CLYBL: variants seen among roughly 807,000 people sequenced by gnomAD.
The protein encoded by CLYBL is citramalyl-CoA lyase, mitochondrial.
Under a neutral mutation model 38.9 loss-of-function variants are expected in CLYBL, and 31 were observed. The ratio of observed to expected loss-of-function variants is 0.80; its 90% CI spans 0.60 to 1.08. CLYBL has a LOEUF of 1.08. Ranked by LOEUF, CLYBL falls within the 50% of genes least tolerant of loss-of-function variation. The probability of loss-of-function intolerance (pLI) is 0.00; values close to 1 mark genes in which losing one functional copy is unlikely to be tolerated. For missense variants in CLYBL, 434 were observed against 411.6 expected (o/e 1.05, Z -0.47); for synonymous variants, 171 against 158.6 (o/e 1.08, Z -0.59).
intron 2 of CLYBL, among the ~76,000 whole-genome samples, chr13:99,822,506 T>C (rs1860571467): frequency 6.6e-6 from 1 of 152,208 alleles, no homozygotes; most frequent in Non-Finnish European, 1.5e-5. Flanking sequence ...AGAGCCATGC[T>C]CAACAAGATC....
chr13:99,619,767 T>G (rs2046766363), intron 1 of CLYBL, among the ~76,000 whole-genome samples: 1 of 152,208 alleles, frequency 6.6e-6, no homozygotes, highest in Non-Finnish European at 1.5e-5. Flanking sequence ...ATGGACAAGT[T>G]TCTTCCTGCC....
At chr13:99,908,021 A>C (rs747920036) in intron 9 of CLYBL, among the ~76,000 whole-genome samples, 7 of 152,310 alleles carry the variant, frequency 4.6e-5, no homozygotes, top group African/African-American at 1.7e-4. Context: ...TTGGCAAAAA[A>C]GTAACCTGAG....
intron 1 of CLYBL, among the ~76,000 whole-genome samples, chr13:99,729,818 C>T (rs916499179): frequency 1.3e-5 from 2 of 152,324 alleles, no homozygotes; most frequent in Non-Finnish European, 2.9e-5. Context: ...TGCCACTACC[C>T]CCTGCCACCG....
intron 2 of CLYBL, among the ~76,000 whole-genome samples, chr13:99,793,675 CA>C (rs1324945608): frequency 7.2e-5 from 11 of 152,086 alleles, no homozygotes; most frequent in African/African-American, 2.7e-4. Context: ...CTATTAGGGT[CA>C]TAATAGTCAG....
intron 1 of CLYBL, among the ~76,000 whole-genome samples, chr13:99,715,521 G>A (rs1050974336): frequency 6.6e-6 from 1 of 150,778 alleles, no homozygotes; most frequent in Non-Finnish European, 1.5e-5. Context: ...TCCTGCCTTA[G>A]CCTCCCAAGT....
downstream of CLYBL, chr13:99,893,449 C>A: frequency 6.6e-6 from 1 of 152,500 alleles, no homozygotes; most frequent in East Asian, 1.9e-4. Flanking sequence ...CAAAAGAAGG[C>A]CTCTCTCACT....
chr13:99,725,376 AGAAAAG>A (rs2048455946), intron 1 of CLYBL, among the ~76,000 whole-genome samples: 1 of 152,188 alleles, frequency 6.6e-6, no homozygotes, highest in Non-Finnish European at 1.5e-5. Context: ...GGGGAACAAA[AGAAAAG>A]GAAAAGTGAG....
intron 1 of CLYBL, among the ~76,000 whole-genome samples, chr13:99,717,682 A>T (rs2048339153): frequency 6.6e-6 from 1 of 151,486 alleles, no homozygotes; most frequent in East Asian, 2.0e-4. Flanking sequence ...CTGGTCTCAG[A>T]CTCCTGGGCT....
intron 2 of CLYBL, among the ~76,000 whole-genome samples, chr13:99,808,050 A>G (rs149118701): frequency 4.6e-5 from 7 of 152,172 alleles, no homozygotes; most frequent in Non-Finnish European, 8.8e-5. Context: ...GGGAAGGTTC[A>G]GGATCCTCTT....
chr13:99,739,323 TAA>T (rs1387334409), intron 1 of CLYBL, among the ~76,000 whole-genome samples: 4 of 152,140 alleles, frequency 2.6e-5, no homozygotes, highest in Non-Finnish European at 4.4e-5. Flanking sequence ...GAAAATATTT[TAA>T]GTCATATTTT....
intron 1 of CLYBL, among the ~76,000 whole-genome samples, chr13:99,641,716 G>T (rs1237476189): frequency 6.6e-6 from 1 of 152,126 alleles, no homozygotes; most frequent in Non-Finnish European, 1.5e-5. Flanking sequence ...GGAGGCTGAG[G>T]CAGGAGAATG....
intron 2 of CLYBL, among the ~76,000 whole-genome samples, chr13:99,787,534 G>A (rs563778743): frequency 5.9e-5 from 9 of 152,112 alleles, no homozygotes; most frequent in South Asian, 2.1e-4. Flanking sequence ...ATTTCTGAGG[G>A]CTCTGTTCTG....
At chr13:99,757,366 A>G (rs1414221144) in intron 1 of CLYBL, among the ~76,000 whole-genome samples, 1 of 152,216 alleles carries the variant, frequency 6.6e-6, no homozygotes, top group East Asian at 1.9e-4. Flanking sequence ...TCTTGCATTA[A>G]GACAGTGGCT....
chr13:99,735,953 A>C (rs2048659074), intron 1 of CLYBL, among the ~76,000 whole-genome samples: 1 of 151,926 alleles, frequency 6.6e-6, no homozygotes. Flanking sequence ...TTTTCAACAC[A>C]ATTCTGATTT....
chr13:99,818,844 C>T (rs111403598), intron 2 of CLYBL, among the ~76,000 whole-genome samples: 7 of 152,046 alleles, frequency 4.6e-5, no homozygotes, highest in African/African-American at 9.7e-5. Flanking sequence ...AGCATTTTTC[C>T]GCATCTCCAC....
At chr13:99,632,278 G>GA (rs1225233020) in intron 1 of CLYBL, among the ~76,000 whole-genome samples, 1 of 152,218 alleles carries the variant, frequency 6.6e-6, no homozygotes, top group Admixed American at 6.5e-5. Flanking sequence ...CTTTAAGCCT[G>GA]AAAAAAACTA....
At chr13:99,904,398 C>A (rs970241586) in intron 8 of CLYBL, among the ~76,000 whole-genome samples, 1 of 152,202 alleles carries the variant, frequency 6.6e-6, no homozygotes, top group Admixed American at 6.5e-5. Context: ...AAGCAAAGTT[C>A]AAACCAGTTT....
intron 2 of CLYBL, among the ~76,000 whole-genome samples, chr13:99,843,370 C>T (rs189419328): frequency 6.6e-6 from 1 of 152,288 alleles, no homozygotes; most frequent in East Asian, 1.9e-4. Flanking sequence ...CGCTACACCC[C>T]CATCACTCCT....
At chr13:99,854,281 T>G (rs1306434728) in intron 2 of CLYBL, among the ~76,000 whole-genome samples, 1 of 152,048 alleles carries the variant, frequency 6.6e-6, no homozygotes, top group Non-Finnish European at 1.5e-5. Context: ...AAGGTGATAA[T>G]TCAGATGTTA....
Sources: gnomAD v4.1 joint callset for allele counts (sites outside exome capture counted in the v4.1 genomes callset) on GRCh38, gnomAD v4.1.1 for gene constraint, MANE v1.5 for transcripts, NCBI Gene and HGNC (gene_info 2026-07-23, HGNC 2026-07-21) for gene names.